Variants in NKAIN2 observed in about 807,000 individuals in gnomAD.
NKAIN2 encodes the protein sodium/potassium transporting ATPase interacting 2, also known as sodium/potassium-transporting ATPase subunit beta-1-interacting protein 2.
In NKAIN2, 14 loss-of-function variants were observed where a neutral mutation model predicts 32.6. The observed-to-expected ratio is 0.43, with a 90% CI of 0.28 to 0.67. The LOEUF is 0.67. Among genes scored for constraint, NKAIN2 ranks in the 30% least tolerant of loss-of-function variants. The pLI is 0.17. For synonymous variants in NKAIN2, 80 were observed against 87.2 expected (o/e 0.92, Z 0.46); for missense variants, 198 against 258.3 (o/e 0.77, Z 1.60).
At position 124,016,932 on chromosome 6, in the gene NKAIN2, C is replaced by A. The variant is rs147119706; in HGVS notation, c.54+212678C>A. On this transcript the variant is annotated intron_variant, in intron 1 of 6. Coordinates refer to ENST00000368417, the MANE Select transcript of NKAIN2 (RefSeq NM_001040214.3). ...GACTAAGATGACAACCCCAGGATGT[C>A]AAGTGCCTTTAAGTTCAAGCCTATC... Among the ~76,000 whole-genome samples, 81 of 152,298 alleles carry A rather than the reference C, an allele frequency of 5.3e-4. 1 individual carries two copies. Among genetic ancestry groups the A allele is most frequent in the African/African-American group, 1.9e-3 (79 of 41,572 alleles).
chr6:124,709,211 CT>C (rs1775286717), intron 4 of NKAIN2, among the ~76,000 whole-genome samples: 1 of 147,928 alleles, frequency 6.8e-6, no homozygotes, highest in African/African-American at 2.5e-5. Flanking sequence ...GGTGGATAAG[CT>C]TTTTGATGTG....
chr6:124,631,240 A>AGTGCAGTATT (rs1383387085), intron 3 of NKAIN2, among the ~76,000 whole-genome samples: 2 of 152,204 alleles, frequency 1.3e-5, no homozygotes, highest in Non-Finnish European at 2.9e-5. Context: ...AATACAGCAT[A>AGTGCAGTATT]GTGCAGTATT....
chr6:124,587,793 G>A (rs1781762893), intron 3 of NKAIN2, among the ~76,000 whole-genome samples: 1 of 152,206 alleles, frequency 6.6e-6, no homozygotes, highest in South Asian at 2.1e-4. Context: ...TTCCGTCAGA[G>A]GAGTAGTGGT....
intron 3 of NKAIN2, among the ~76,000 whole-genome samples, chr6:124,388,986 T>G (rs1284454518): frequency 6.6e-6 from 1 of 152,122 alleles, no homozygotes; most frequent in Non-Finnish European, 1.5e-5. Flanking sequence ...TATTTAAGCA[T>G]GAATGATAGT....
intron 3 of NKAIN2, among the ~76,000 whole-genome samples, chr6:124,604,189 A>C (rs1782412188): frequency 6.6e-6 from 1 of 152,008 alleles, no homozygotes; most frequent in Non-Finnish European, 1.5e-5. Flanking sequence ...ACTCCTGGAC[A>C]AGGCCTACAA....
intron 2 of NKAIN2, among the ~76,000 whole-genome samples, chr6:124,350,589 A>G (rs898335204): frequency 2.0e-5 from 3 of 152,196 alleles, no homozygotes; most frequent in African/African-American, 4.8e-5. Flanking sequence ...GTGGATTTCT[A>G]TGTTCATTAA....
intron 3 of NKAIN2, among the ~76,000 whole-genome samples, chr6:124,441,967 A>G (rs1775707836): frequency 6.6e-6 from 1 of 152,026 alleles, no homozygotes; most frequent in African/African-American, 2.4e-5. Context: ...GGGCCCATGT[A>G]CATTTACATA....
intron 1 of NKAIN2, among the ~76,000 whole-genome samples, chr6:123,883,396 C>T (rs1444283444): frequency 3.3e-5 from 5 of 152,104 alleles, no homozygotes; most frequent in African/African-American, 9.7e-5. Flanking sequence ...TCACCCGCCT[C>T]GGCCTCCCAA....
chr6:124,367,872 T>C (rs1583137857), intron 3 of NKAIN2, among the ~76,000 whole-genome samples: 1 of 152,238 alleles, frequency 6.6e-6, no homozygotes, highest in South Asian at 2.1e-4. Context: ...TAATAGGAAA[T>C]AATTCTTATG....
At chr6:124,351,021 A>G (rs58121319) in intron 2 of NKAIN2, among the ~76,000 whole-genome samples, 1 of 152,156 alleles carries the variant, frequency 6.6e-6, no homozygotes, top group East Asian at 1.9e-4. Flanking sequence ...AAATATTTTT[A>G]AAAAAGTAAC....
chr6:124,398,229 G>A (rs1333252198), intron 3 of NKAIN2, among the ~76,000 whole-genome samples: 3 of 98,328 alleles, frequency 3.1e-5, no homozygotes, highest in Non-Finnish European at 4.3e-5. Flanking sequence ...CTCCAGCCTG[G>A]GTGACAGAGA....
chr6:123,809,717 T>C (rs921177726), intron 1 of NKAIN2, among the ~76,000 whole-genome samples: 2 of 152,180 alleles, frequency 1.3e-5, no homozygotes, highest in East Asian at 3.9e-4. Context: ...AGTATTTTTC[T>C]TTTTCTTTCC....
chr6:123,938,969 A>T (rs1275137641), intron 1 of NKAIN2, among the ~76,000 whole-genome samples: 1 of 151,946 alleles, frequency 6.6e-6, no homozygotes, highest in Non-Finnish European at 1.5e-5. Context: ...GGTGACTAAG[A>T]TAAGGCAAAG....
intron 2 of NKAIN2, among the ~76,000 whole-genome samples, chr6:124,293,296 TA>T (rs1285959819): frequency 6.6e-6 from 1 of 152,098 alleles, no homozygotes; most frequent in Non-Finnish European, 1.5e-5. Context: ...GACTATACCT[TA>T]TTTGTTTGTA....
chr6:124,635,368 C>T (rs1381540900), intron 3 of NKAIN2, among the ~76,000 whole-genome samples: 1 of 151,676 alleles, frequency 6.6e-6, no homozygotes, highest in Non-Finnish European at 1.5e-5. Context: ...CTACAGAAAA[C>T]CAGCAAATGG....
intron 1 of NKAIN2, among the ~76,000 whole-genome samples, chr6:124,273,126 G>T (rs1354606040): frequency 6.6e-6 from 1 of 152,156 alleles, no homozygotes; most frequent in Non-Finnish European, 1.5e-5. Flanking sequence ...GGGAAGTCAT[G>T]ATCTGTTTTG....
rs568889043 is a variant in NKAIN2 at position 124,413,050 on chromosome 6, C to T, written c.273+57703C>T. 5.9e-5 allele frequency among the ~76,000 whole-genome samples: 9 copies of T among 152,212 alleles called. No homozygotes were observed. In the East Asian group the frequency reaches 7.8e-4, roughly 13 times the overall value. ...GTGCAGTATTAAAGTGGGAGTGACC[C>T]GATTTTCCAGGTGCTGTCTGTCACC... On this transcript the variant is annotated intron_variant, in intron 3 of 6. Transcript: ENST00000368417.
intron 1 of NKAIN2, among the ~76,000 whole-genome samples, chr6:124,083,732 C>T (rs1260358912): frequency 2.6e-5 from 4 of 151,838 alleles, no homozygotes; most frequent in Non-Finnish European, 4.4e-5. Flanking sequence ...AAAGTACATG[C>T]AAAAAAGACA....
rs1198767719 is a variant in NKAIN2, at chr6:124,476,042, G to A, written c.273+120695G>A. ...AGCGTGTGTGTGTGTGAGAGAGTGT[G>A]TGTGTGAGAGAGAGAGAGAGAGAGT... On this transcript the variant is annotated intron_variant, in intron 3 of 6. Coordinates refer to ENST00000368417, the MANE Select transcript of NKAIN2 (RefSeq NM_001040214.3). 2.4e-5 allele frequency among the ~76,000 whole-genome samples: 3 copies of A among 124,234 alleles called. No homozygotes were observed. In the East Asian group the frequency reaches 7.8e-4, roughly 32 times the overall value. The allele number at this position is 124,234 out of a possible 152,430, so 81.5% of individuals were successfully genotyped here.
Sources: gnomAD v4.1 joint callset for allele counts (sites outside exome capture counted in the v4.1 genomes callset) on GRCh38, gnomAD v4.1.1 for gene constraint, MANE v1.5 for transcripts, NCBI Gene and HGNC (gene_info 2026-07-23, HGNC 2026-07-21) for gene names.